TMBIM4: variants seen among roughly 807,000 people sequenced by gnomAD.
The protein encoded by TMBIM4 is transmembrane BAX inhibitor motif containing 4.
In TMBIM4, 28 loss-of-function variants were observed where a neutral mutation model predicts 27.7. The observed-to-expected ratio is 1.01, with a 90% CI of 0.75 to 1.38. The LOEUF (loss-of-function observed/expected upper bound fraction) is 1.38. Among genes scored for constraint, TMBIM4 ranks in the 40% most tolerant of loss-of-function variants. The pLI is 0.00. For missense variants in TMBIM4, 265 were observed against 277.5 expected (o/e 0.95, Z 0.32); for synonymous variants, 115 against 113.1 (o/e 1.02, Z -0.11).
intron 1 of TMBIM4, chr12:66,169,569 C>CCTA (rs1450076408): frequency 2.1e-6 from 1 of 467,674 alleles, no homozygotes; most frequent in Non-Finnish European, 3.7e-6. Context: ...TCTGTCCCTT[C>CCTA]CTACACCGCG....
At chr12:66,146,444 T>C (rs1482428445) in intron 4 of TMBIM4, among the ~76,000 whole-genome samples, 4 of 152,274 alleles carry the variant, frequency 2.6e-5, no homozygotes, top group Non-Finnish European at 5.9e-5. Context: ...ATCAAGGAAA[T>C]TGGGAAAGAA....
intron 3 of TMBIM4, among the ~76,000 whole-genome samples, chr12:66,150,596 A>G (rs892268615): frequency 3.3e-5 from 5 of 151,758 alleles, no homozygotes; most frequent in African/African-American, 9.7e-5. Flanking sequence ...TATTTTTTGC[A>G]GAGACAAGGT....
rs1488551988 is a variant in TMBIM4 at position 66,153,372 on chromosome 12, G to A, written c.174C>T (p.Tyr58=). ...LTTVTSTVFL[Y]FESVRTFVHE... Reference sequence around the variant, plus strand: ...GTACAAATGTCCGTACAGACTCAAAGTATAAAAAAACTGTTGAAGTCACTG... The same window carrying A: ...GTACAAATGTCCGTACAGACTCAAAATATAAAAAAACTGTTGAAGTCACTG... The change falls in exon 2 of 7, where the codon TAC becomes TAT. Residue 58 remains tyrosine (Y), a synonymous_variant. Coordinates refer to ENST00000358230, the MANE Select transcript of TMBIM4 (RefSeq NM_016056.4). 1.3e-6 allele frequency: 2 copies of A among 1,596,096 alleles called. No homozygotes were observed. The highest frequency in any genetic ancestry group is 2.3e-5 in the East Asian group (1 of 44,274).
chr12:66,138,960 A>G (rs2051622635), intron 5 of TMBIM4, 191 bp from the exon 6 acceptor site: 1 of 777,072 alleles, frequency 1.3e-6, no homozygotes, highest in Non-Finnish European at 1.8e-6. Context: ...AATTGAAAGA[A>G]CAGCTATTTA....
chr12:66,160,444 TA>T (rs1332158539), intron 1 of TMBIM4: 36 of 547,998 alleles, frequency 6.6e-5, no homozygotes, highest in Admixed American at 1.0e-4. Context: ...TTTGAAGGAA[TA>T]AAAAAAAGGT....
intron 1 of TMBIM4, among the ~76,000 whole-genome samples, chr12:66,158,891 G>T (rs1214831162): frequency 6.6e-6 from 1 of 152,116 alleles, no homozygotes; most frequent in African/African-American, 2.4e-5. Flanking sequence ...GTCTTTTTAG[G>T]TTAAAAGTCT....
At chr12:66,155,682 C>T (rs2051924419) in intron 1 of TMBIM4, among the ~76,000 whole-genome samples, 1 of 152,042 alleles carries the variant, frequency 6.6e-6, no homozygotes, top group African/African-American at 2.4e-5. Context: ...TCATATAACT[C>T]AAACCCAATC....
At position 66,136,365 on chromosome 12, in the gene TMBIM4, TTAA is replaced by T. The variant is rs1177713674; in HGVS notation, c.*1592_*1594del. ...CATCATACACTTGATAATTCAACAG[TTAA>T]TGATAATAAAGTCAAATTTACATCT... On this transcript the variant is annotated 3_prime_UTR_variant, in exon 7 of 7. Transcript: ENST00000358230. 3.9e-5 allele frequency: 6 copies of T among 153,638 alleles called. No individual in the cohort carries two copies. Among genetic ancestry groups the T allele is most frequent in the African/African-American group, 1.4e-4 (6 of 41,482 alleles). 9.5% of individuals were successfully genotyped at this position (153,638 alleles called of 1,614,324 possible).
intron 1 of TMBIM4, among the ~76,000 whole-genome samples, chr12:66,156,790 C>T (rs1484104758): frequency 1.3e-5 from 2 of 152,144 alleles, no homozygotes; most frequent in Non-Finnish European, 2.9e-5. Context: ...TTGCTCTTTC[C>T]TCTACTTGGA....
At chr12:66,145,616 C>A (rs1434090295) in intron 5 of TMBIM4, among the ~76,000 whole-genome samples, 2 of 150,710 alleles carry the variant, frequency 1.3e-5, no homozygotes, top group Non-Finnish European at 3.0e-5. Flanking sequence ...TTTTTTAATT[C>A]ACTTCCCTTT....
rs768329493 is a variant in TMBIM4, at chr12:66,147,981, T to C, written c.313-40A>G. ...CTTAAATTAGTGACTGTAAAATTTA[T>C]ACTATCTCATGTACATTTTCTAATT... is the stretch of plus-strand genomic sequence containing the variant. On this transcript the variant is annotated intron_variant, in intron 3 of 6. Coordinates refer to ENST00000358230, the MANE Select transcript of TMBIM4 (RefSeq NM_016056.4). The C allele has an allele frequency of 3.2e-6, 5 of 1,561,838 alleles. No homozygotes were observed. In the South Asian group the frequency reaches 4.6e-5, roughly 14 times the overall value.
At chr12:66,149,139 A>G (rs1346302662) in intron 3 of TMBIM4, among the ~76,000 whole-genome samples, 1 of 152,084 alleles carries the variant, frequency 6.6e-6, no homozygotes, top group Non-Finnish European at 1.5e-5. Flanking sequence ...GTAGCAAAAG[A>G]TGATAGAAAT....
In TMBIM4 at chr12:66,138,049, AC is replaced by A. The variant is rs764036217; in HGVS notation, c.627del (p.Glu209AspfsTer4). The A allele has an allele frequency of 1.2e-6, 2 of 1,613,976 alleles. No individual in the cohort carries two copies. The highest frequency in any genetic ancestry group is 3.3e-5 in the Admixed American group (2 of 59,994). The stretch of plus-strand genomic sequence containing the variant: ...TAGAGGCTGATGGCAGCTAATACGT[AC>A]TCTTCAGGTGACAGTTTATGCATCA... ...HSLMHKLSPE[E>X]YVLAAISLYL... On this transcript the variant is annotated frameshift_variant, in exon 7 of 7. Transcript: ENST00000358230. LOFTEE classifies it high-confidence loss of function.
At chr12:66,139,506 A>C (rs2051632254) in intron 5 of TMBIM4, among the ~76,000 whole-genome samples, 1 of 152,232 alleles carries the variant, frequency 6.6e-6, no homozygotes, top group Non-Finnish European at 1.5e-5. Flanking sequence ...ATACAAAGAA[A>C]GTGAAGTCTA....
rs765940105 is a variant in TMBIM4 at position 66,138,105 on chromosome 12, CAGAAA to C, written c.567_571del (p.Phe190TrpfsTer6). On this transcript the variant is annotated frameshift_variant, in exon 7 of 7. Coordinates refer to ENST00000358230, the MANE Select transcript of TMBIM4 (RefSeq NM_016056.4). LOFTEE classifies it high-confidence loss of function. The stretch of plus-strand genomic sequence containing the variant: ...GTGTGTGTCATAGATGATGAATCCA[CAGAAA>C]AGAAGGGCTCCTGCAGCGGCTAAGA... 1.4e-5 allele frequency: 23 copies of C among 1,613,732 alleles called. No individual in the cohort carries two copies. The highest frequency in any genetic ancestry group is 1.9e-5 in the Non-Finnish European group (23 of 1,179,986).
At position 66,149,491 on chromosome 12, in the gene TMBIM4, GC is replaced by G. The variant is rs1466390371; in HGVS notation, c.313-1551del. On this transcript the variant is annotated intron_variant, in intron 3 of 6. Coordinates refer to ENST00000358230, the MANE Select transcript of TMBIM4 (RefSeq NM_016056.4). ...AAAGAAAGAAATTTTTTTGGGGGGGGCAGGGCAACATGATTATACTATATTC... is the reference window on the plus strand; with the variant it reads ...AAAGAAAGAAATTTTTTTGGGGGGGGAGGGCAACATGATTATACTATATTC... 5.7e-4 allele frequency among the ~76,000 whole-genome samples: 86 copies of G among 150,768 alleles called. No individual in the cohort carries two copies. In the Middle Eastern group the frequency reaches 0.014, roughly 25 times the overall value.
At position 66,144,473 on chromosome 12, in the gene TMBIM4, A is replaced by AT. The variant is rs1205317830; in HGVS notation, c.464+1367dup. Among the ~76,000 whole-genome samples, 27 of 152,258 alleles carry AT rather than the reference A, an allele frequency of 1.8e-4. No individual in the cohort carries two copies. The East Asian group carries it at 4.8e-3, about 27-fold the overall frequency. ...TCATCAATGCACTAAGCAGGGGTAAATTGCGGGGTGGGGGCAGAGAAGAAC... is the reference window on the plus strand; with the variant it reads ...TCATCAATGCACTAAGCAGGGGTAAATTTGCGGGGTGGGGGCAGAGAAGAAC... On this transcript the variant is annotated intron_variant, in intron 5 of 6. Coordinates refer to ENST00000358230, the MANE Select transcript of TMBIM4 (RefSeq NM_016056.4).
At chr12:66,164,251 C>A (rs1272033128) in intron 1 of TMBIM4, among the ~76,000 whole-genome samples, 2 of 152,152 alleles carry the variant, frequency 1.3e-5, no homozygotes, top group African/African-American at 4.8e-5. Context: ...AGCTGAGAGG[C>A]TGGCAAATCC....
At chr12:66,161,902 C>T (rs2052047162) in intron 1 of TMBIM4, among the ~76,000 whole-genome samples, 1 of 152,172 alleles carries the variant, frequency 6.6e-6, no homozygotes, top group Non-Finnish European at 1.5e-5. Flanking sequence ...CTTAAAACCA[C>T]TTGATATAGT....
Sources: allele counts gnomAD v4.1 joint callset (sites outside exome capture counted in the v4.1 genomes callset), GRCh38; gene constraint gnomAD v4.1.1; transcripts MANE v1.5; gene names NCBI Gene and HGNC (gene_info 2026-07-23, HGNC 2026-07-21).